Variants in HSD17B2 observed in about 807,000 individuals in gnomAD.
The protein encoded by HSD17B2 is 17-beta-hydroxysteroid dehydrogenase type 2.
In HSD17B2, 32 loss-of-function variants were observed where a neutral mutation model predicts 26.9. That is an observed-to-expected ratio of 1.19 (90% CI 0.90 to 1.60). The LOEUF is 1.60. Among genes scored for constraint, HSD17B2 ranks in the 40% most tolerant of loss-of-function variants. The pLI is 0.00. For synonymous variants in HSD17B2, 246 were observed against 186.7 expected, an observed-to-expected ratio of 1.32 and a Z score of -2.59; for missense variants, 613 against 468.6, an observed-to-expected ratio of 1.31 and a Z score of -2.85.
chr16:82,068,504 G>C (rs905636416), intron 2 of HSD17B2, 122 bp downstream of exon 2: 4 of 764,098 alleles, frequency 5.2e-6, no homozygotes, highest in Middle Eastern at 3.9e-4. Flanking sequence ...AAGCACACCT[G>C]TGCTGAACCC....
chr16:82,064,734 CAG>C (rs1914530956), intron 1 of HSD17B2, among the ~76,000 whole-genome samples: 1 of 152,120 alleles, frequency 6.6e-6, no homozygotes, highest in African/African-American at 2.4e-5. Context: ...TGAGGTTTAC[CAG>C]AGAGTGGAAA....
intron 3 of HSD17B2, among the ~76,000 whole-genome samples, chr16:82,077,722 C>T (rs8051789): frequency 1.4e-5 from 2 of 147,964 alleles, no homozygotes; most frequent in East Asian, 2.0e-4. Flanking sequence ...CAGAGTGAGA[C>T]CCTGTTTCAA....
chr16:82,043,988 A>G (rs747771349), intron 1 of HSD17B2, among the ~76,000 whole-genome samples: 2 of 152,212 alleles, frequency 1.3e-5, no homozygotes, highest in Non-Finnish European at 2.9e-5. Flanking sequence ...CCCTTGAAAC[A>G]TGTGGACTGC....
intron 1 of HSD17B2, among the ~76,000 whole-genome samples, chr16:82,042,360 TG>T (rs1400276252): frequency 6.6e-6 from 1 of 151,998 alleles, no homozygotes; most frequent in African/African-American, 2.4e-5. Context: ...CCCAAAGTGC[TG>T]GGATGACAGG....
At chr16:82,075,833 A>T (rs1187171536) in intron 3 of HSD17B2, among the ~76,000 whole-genome samples, 1 of 151,366 alleles carries the variant, frequency 6.6e-6, no homozygotes, top group African/African-American at 2.4e-5. Flanking sequence ...CTGAAAAATA[A>T]TGGTGGAGGG....
intron 3 of HSD17B2, among the ~76,000 whole-genome samples, chr16:82,082,842 G>A (rs1423506226): frequency 6.6e-6 from 1 of 152,206 alleles, no homozygotes; most frequent in Non-Finnish European, 1.5e-5. Flanking sequence ...AATAACCTAT[G>A]TAATGTTGCT....
At chr16:82,093,179 T>C (rs1305919177) in intron 4 of HSD17B2, 1 of 152,156 alleles carries the variant, frequency 6.6e-6, no homozygotes, top group African/African-American at 2.4e-5. Context: ...AAATAAAACA[T>C]TACCAACACC....
At position 82,098,150 on chromosome 16, in the gene HSD17B2, A is replaced by C; in HGVS notation, c.878A>C (p.Glu293Ala). 1 of 1,614,084 alleles carries C rather than the reference A, an allele frequency of 6.2e-7. No homozygotes were observed. The highest frequency in any genetic ancestry group is 8.5e-7 in the Non-Finnish European group (1 of 1,179,998). The change falls in exon 5 of 5, where the codon GAA becomes GCA. Residue 293 changes from glutamate to alanine, a missense_variant. Transcript: ENST00000199936. ...ILDHLPAEVQ[E>A]DYGQDYILAQ... ...GACCACCTCCCCGCTGAGGTACAGG[A>C]AGACTACGGCCAGGACTACATCTTA...
At chr16:82,075,486 A>G (rs1904295885) in intron 3 of HSD17B2, among the ~76,000 whole-genome samples, 2 of 151,704 alleles carry the variant, frequency 1.3e-5, no homozygotes, top group Admixed American at 6.6e-5. Context: ...GAACAAGACT[A>G]AGAACAAGAG....
chr16:82,091,446 C>T, intron 4 of HSD17B2: 1 of 229,848 alleles, frequency 4.4e-6, no homozygotes, highest in Non-Finnish European at 8.6e-6. Context: ...TGATTCAGTT[C>T]CAAAGGAATG....
chr16:82,050,309 T>C (rs1914068919), intron 1 of HSD17B2, among the ~76,000 whole-genome samples: 1 of 151,408 alleles, frequency 6.6e-6, no homozygotes, highest in African/African-American at 2.4e-5. Context: ...TCCCCTTCAT[T>C]CTCATTTCTC....
intron 1 of HSD17B2, among the ~76,000 whole-genome samples, chr16:82,058,005 A>T (rs1245049572): frequency 6.6e-6 from 1 of 152,200 alleles, no homozygotes; most frequent in Non-Finnish European, 1.5e-5. Flanking sequence ...TAATGTATCA[A>T]TATTGGGTCA....
intron 3 of HSD17B2, among the ~76,000 whole-genome samples, chr16:82,078,204 T>C (rs8057705): frequency 0.025 from 3,827 of 152,266 alleles, 166 homozygotes; most frequent in African/African-American, 0.086. Context: ...AATAATCTCA[T>C]TTAAAATGTA....
chr16:82,070,135 G>GT (rs996729690), intron 2 of HSD17B2, among the ~76,000 whole-genome samples: 21 of 151,886 alleles, frequency 1.4e-4, no homozygotes, highest in Middle Eastern at 3.2e-3. Flanking sequence ...GTCAAATGTT[G>GT]TTTTTTTTCC....
At position 82,090,419 on chromosome 16, in the gene HSD17B2, A is replaced by G. The variant is rs1263987327; in HGVS notation, c.665-483A>G. ...TACAACCTCTGCCCCCTGGGGTCCA[A>G]GCGATTCTTACGTCTCAGCCTCATG... On this transcript the variant is annotated intron_variant, in intron 3 of 4. Transcript: ENST00000199936. 1.5e-4 allele frequency among the ~76,000 whole-genome samples: 21 copies of G among 141,424 alleles called. No homozygotes were observed. In the Admixed American group the frequency reaches 1.6e-3, roughly 11 times the overall value. The allele number at this position is 141,424 out of a possible 152,430, so 92.8% of individuals were successfully genotyped here. A position where few individuals can be genotyped will look rare whatever the true frequency, so the allele number is the denominator to read the frequency against.
At chr16:82,077,456 A>AATAAAT (rs1446661339) in intron 3 of HSD17B2, among the ~76,000 whole-genome samples, 1 of 152,188 alleles carries the variant, frequency 6.6e-6, no homozygotes, top group African/African-American at 2.4e-5. Context: ...AAACTCAGCC[A>AATAAAT]GGTGCTGTGG....
intron 1 of HSD17B2, among the ~76,000 whole-genome samples, chr16:82,064,132 A>G (rs564893541): frequency 6.6e-6 from 1 of 152,326 alleles, no homozygotes; most frequent in African/African-American, 2.4e-5. Context: ...GGCTCTTCCA[A>G]GGAACTTTCC....
At chr16:82,037,962 G>C (rs1289870074) in intron 1 of HSD17B2, among the ~76,000 whole-genome samples, 6 of 152,174 alleles carry the variant, frequency 3.9e-5, no homozygotes, top group Non-Finnish European at 8.8e-5. Flanking sequence ...GAAATAGTTG[G>C]TTAATGGTTG....
chr16:82,068,125 T>A, intron 1 of HSD17B2, 45 bp from the exon 2 acceptor site: 1 of 1,484,834 alleles, frequency 6.7e-7, no homozygotes, highest in Non-Finnish European at 9.4e-7. Flanking sequence ...TTTTCTCCTG[T>A]CACTCTGGTT....
Sources: allele counts gnomAD v4.1 joint callset (sites outside exome capture counted in the v4.1 genomes callset), GRCh38; gene constraint gnomAD v4.1.1; transcripts MANE v1.5; gene names NCBI Gene and HGNC (gene_info 2026-07-23, HGNC 2026-07-21).